Variants in ETNK2 observed in about 807,000 individuals in gnomAD.
The protein encoded by ETNK2 is ethanolamine kinase 2.
ETNK2 carries 33 observed loss-of-function variants against 46.2 expected under a neutral mutation model. That is an observed-to-expected ratio of 0.71 (90% CI 0.54 to 0.96). The LOEUF (loss-of-function observed/expected upper bound fraction) is 0.96, where lower values mean the gene tolerates loss of function less well. Ranked by LOEUF, ETNK2 falls within the 40% of genes least tolerant of loss-of-function variation. The pLI, the probability that ETNK2 is intolerant of heterozygous loss-of-function variation, is 0.00. For synonymous variants in ETNK2, 194 were observed against 209.0 expected (o/e 0.93, Z 0.62); for missense variants, 445 against 509.7 (o/e 0.87, Z 1.22).
chr1:204,132,303 T>G lies in ETNK2; in HGVS notation c.1089-47A>C, dbSNP rs778190954. The G allele has an allele frequency of 2.1e-6, 3 of 1,458,912 alleles. No homozygotes were observed. In the South Asian group the frequency reaches 3.6e-5, roughly 18 times the overall value. 90.4% of individuals were successfully genotyped at this position (1,458,912 alleles called of 1,614,324 possible). A position where few individuals can be genotyped will look rare whatever the true frequency, so the allele number is the denominator to read the frequency against. ...GCTGGGTGTGAGGAAGAAAGCCAGG[T>G]GGGCCCTGCTGGGGGTGCTGACATC... On this transcript the variant is annotated intron_variant, in intron 7 of 7. Transcript: ENST00000367202.
chr1:204,151,162 C>G lies in ETNK2; in HGVS notation c.258+433G>C, dbSNP rs998767587. On this transcript the variant is annotated intron_variant, in intron 1 of 7. Coordinates refer to ENST00000367202, the MANE Select transcript of ETNK2 (RefSeq NM_018208.4). This position sits in a 1 kb window ranked among gnomAD's most constrained non-coding sequence, Gnocchi z 8.0. ...GCTCAGAGCCTGGAGGATTTGCTCCCACCATGGGGTGGAGAAGGGGCAGCA... is the reference window on the plus strand; with the variant it reads ...GCTCAGAGCCTGGAGGATTTGCTCCGACCATGGGGTGGAGAAGGGGCAGCA... The G allele has an allele frequency of 6.7e-5, 16 of 237,552 alleles. No individual in the cohort carries two copies. The highest frequency in any genetic ancestry group is 8.1e-5 in the Non-Finnish European group (10 of 123,090). 14.7% of individuals were successfully genotyped at this position (237,552 alleles called of 1,614,324 possible).
chr1:204,148,323 A>C (rs994429816), intron 2 of ETNK2, among the ~76,000 whole-genome samples: 4 of 152,190 alleles, frequency 2.6e-5, no homozygotes, highest in Non-Finnish European at 5.9e-5. Flanking sequence ...TTTGCGTGAC[A>C]GGATGAGTGA....
Position 204,149,771 on chromosome 1 carries a change from C to A in ETNK2, c.450G>T (p.Gly150=). Residue 150 remains glycine, a synonymous_variant, in exon 2 of 8, where the codon GGG becomes GGT. Transcript: ENST00000367202. ...APKLYCTFQN[G]LCYEYMQGVA... ...CACCCTGCATGTACTCATAGCACAGCCCATTCTGGAAGGTGCAGTAGAGTT... is the reference window on the plus strand; with the variant it reads ...CACCCTGCATGTACTCATAGCACAGACCATTCTGGAAGGTGCAGTAGAGTT... 6.2e-7 allele frequency: 1 copy of A among 1,606,684 alleles called. No individual in the cohort carries two copies. Among genetic ancestry groups the A allele is most frequent in the Non-Finnish European group, 8.5e-7 (1 of 1,176,870 alleles).
intron 5 of ETNK2, among the ~76,000 whole-genome samples, chr1:204,139,661 A>T (rs564253514): frequency 6.6e-6 from 1 of 152,204 alleles, no homozygotes; most frequent in East Asian, 1.9e-4. Context: ...TTGGTCAAAT[A>T]TAGTCCTGTA....
intron 2 of ETNK2, chr1:204,147,609 T>G (rs777236628): frequency 7.7e-6 from 4 of 520,388 alleles, no homozygotes; most frequent in Non-Finnish European, 1.6e-5. Context: ...CCTTCCAACA[T>G]ACAGCCTCTG....
intron 3 of ETNK2, among the ~76,000 whole-genome samples, chr1:204,145,145 C>T (rs1214675613): frequency 1.3e-5 from 2 of 152,222 alleles, no homozygotes; most frequent in Non-Finnish European, 2.9e-5. Flanking sequence ...AGTCAGGCAG[C>T]TTAGGGCATG....
At chr1:204,134,404 G>C in intron 7 of ETNK2, 111 bp downstream of exon 7, 1 of 1,244,010 alleles carries the variant, frequency 8.0e-7, no homozygotes, top group Non-Finnish European at 1.1e-6. Flanking sequence ...CGAGTCAGCA[G>C]AGCAGGGGAG....
chr1:204,152,019 G>C lies in ETNK2; in HGVS notation c.-167C>G. On this transcript the variant is annotated 5_prime_UTR_variant, in exon 1 of 8. Coordinates refer to ENST00000367202, the MANE Select transcript of ETNK2 (RefSeq NM_018208.4). The surrounding 1 kb of genome is among the most constrained non-coding windows in gnomAD (Gnocchi z 4.2). ...CGGCCCGCCGCCCACCGCCGACCCCGGAGCGCCGCGGCCCGCCGCGATTGT... is the reference window on the plus strand; with the variant it reads ...CGGCCCGCCGCCCACCGCCGACCCCCGAGCGCCGCGGCCCGCCGCGATTGT... 1 of 655,916 alleles carries C rather than the reference G, an allele frequency of 1.5e-6. No homozygotes were observed. The highest frequency in any genetic ancestry group is 2.2e-6 in the Non-Finnish European group (1 of 463,662). The allele number at this position is 655,916 out of a possible 1,614,324, so 40.6% of individuals were successfully genotyped here.
At chr1:204,143,461 C>T (rs940239064) in intron 3 of ETNK2, among the ~76,000 whole-genome samples, 1 of 152,090 alleles carries the variant, frequency 6.6e-6, no homozygotes, top group Non-Finnish European at 1.5e-5. Flanking sequence ...TGCTTCCCTC[C>T]CCTGAGCACT....
In ETNK2 at chr1:204,140,138, C is replaced by T. The variant is rs1453383915; in HGVS notation, c.785-20G>A. On this transcript the variant is annotated intron_variant, in intron 4 of 7. Coordinates refer to ENST00000367202, the MANE Select transcript of ETNK2 (RefSeq NM_018208.4). ...CGTGACCTATGAAGTAGAGGAGAAT[C>T]GATGAGAGTTGGCCCAGGAGATCTG... The T allele has an allele frequency of 2.5e-6, 4 of 1,605,030 alleles. No homozygotes were observed. Among genetic ancestry groups the T allele is most frequent in the African/African-American group, 1.3e-5 (1 of 74,716 alleles).
intron 5 of ETNK2, among the ~76,000 whole-genome samples, chr1:204,138,224 A>C (rs1295400010): frequency 6.6e-6 from 1 of 152,022 alleles, no homozygotes; most frequent in Non-Finnish European, 1.5e-5. Flanking sequence ...TCATCTCCCA[A>C]TGCCCAGAAC....
In ETNK2 at chr1:204,151,385, G is replaced by A. The variant is rs541518114; in HGVS notation, c.258+210C>T. 1.2e-4 allele frequency: 81 copies of A among 691,774 alleles called. 1 individual carries two copies. The South Asian group carries it at 1.4e-3, about 12-fold the overall frequency. The allele number at this position is 691,774 out of a possible 1,614,324, so 42.9% of individuals were successfully genotyped here. A position where few individuals can be genotyped will look rare whatever the true frequency, so the allele number is the denominator to read the frequency against. On this transcript the variant is annotated intron_variant, in intron 1 of 7. Coordinates refer to ENST00000367202, the MANE Select transcript of ETNK2 (RefSeq NM_018208.4). The surrounding 1 kb of genome is among the most constrained non-coding windows in gnomAD (Gnocchi z 8.0). ...CAGGCGTGCCTAAGAGCCCCGGGAG[G>A]AGGGGGGCGTGTGCAGGGCCAAGGG...
In ETNK2 at chr1:204,132,224, T is replaced by G; in HGVS notation, c.1121A>C (p.Lys374Thr). 1 of 1,573,246 alleles carries G rather than the reference T, an allele frequency of 6.4e-7. No individual in the cohort carries two copies. The highest frequency in any genetic ancestry group is 8.6e-7 in the Non-Finnish European group (1 of 1,158,978). The part of the protein sequence containing the change: ...YAVIRFNQYF[K>T]VKPQASALEM... ...CAAGGCTGACGCTTGAGGCTTCACC[T>G]TGAAGTACTGGTTGAATCGGATCAC... is the stretch of plus-strand genomic sequence containing the variant. The change falls in exon 8 of 8, where the codon AAG (lysine) becomes ACG (threonine). Residue 374 changes from lysine (K) to threonine (T), a missense_variant. Lys to Thr is a moderately conservative substitution (Grantham distance 78). Transcript: ENST00000367202.
rs1238043394 is a variant in ETNK2 at position 204,151,905 on chromosome 1, G to A, written c.-53C>T. On this transcript the variant is annotated 5_prime_UTR_variant, in exon 1 of 8. Coordinates refer to ENST00000367202, the MANE Select transcript of ETNK2 (RefSeq NM_018208.4). The surrounding 1 kb of genome is among the most constrained non-coding windows in gnomAD (Gnocchi z 8.0). ...GCGGCAGACGCTAGCCCCGGCGGGG[G>A]GGTCCGGCGAGGGAGTGGGAGTGGT... is the stretch of plus-strand genomic sequence containing the variant. 1 of 1,405,376 alleles carries A rather than the reference G, an allele frequency of 7.1e-7. No homozygotes were observed. Among genetic ancestry groups the A allele is most frequent in the Non-Finnish European group, 9.2e-7 (1 of 1,086,878 alleles). The allele number at this position is 1,405,376 out of a possible 1,614,324, so 87.1% of individuals were successfully genotyped here.
intron 2 of ETNK2, among the ~76,000 whole-genome samples, chr1:204,147,829 G>A (rs987169169): frequency 1.3e-5 from 2 of 152,310 alleles, no homozygotes; most frequent in Non-Finnish European, 1.5e-5. Context: ...GACAAGGGGC[G>A]TGGCAGCAAC....
intron 6 of ETNK2, 48 bp from the exon 7 acceptor site, chr1:204,134,636 T>C: frequency 6.2e-7 from 1 of 1,613,996 alleles, no homozygotes; most frequent in Admixed American, 1.7e-5. Flanking sequence ...CCCATGCCTG[T>C]TTCCGACTCT....
In ETNK2 at chr1:204,134,569, G is replaced by A; in HGVS notation, c.1034C>T (p.Ala345Val). Residue 345 changes from alanine to valine, a missense_variant, in exon 7 of 8, where the codon GCT becomes GTT. Transcript: ENST00000367202. ...CTGGTTCTGGATGAGGGCCCAGAGA[G>A]CCCAGAAGAAGTGAGACGCCTGGAA... Reference protein sequence around the residue: ...KFALASHFFWALWALIQNQYS... With the variant: ...KFALASHFFWVLWALIQNQYS... 2 of 1,614,034 alleles carry A rather than the reference G, an allele frequency of 1.2e-6. No individual in the cohort carries two copies. Among genetic ancestry groups the A allele is most frequent in the Non-Finnish European group, 1.7e-6 (2 of 1,179,902 alleles).
intron 5 of ETNK2, among the ~76,000 whole-genome samples, chr1:204,138,117 A>G (rs1657358685): frequency 6.6e-6 from 1 of 152,168 alleles, no homozygotes; most frequent in African/African-American, 2.4e-5. Flanking sequence ...GCTAGAAAAG[A>G]ATCTCCTGGA....
At chr1:204,136,255 G>A (rs970891691) in intron 6 of ETNK2, among the ~76,000 whole-genome samples, 3 of 151,730 alleles carry the variant, frequency 2.0e-5, no homozygotes, top group Admixed American at 6.6e-5. Context: ...GAAATTAGCC[G>A]GGCATGGTGG....
Sources: gnomAD v4.1 joint callset for allele counts (sites outside exome capture counted in the v4.1 genomes callset) on GRCh38, gnomAD v4.1.1 for gene constraint, Gnocchi (gnomAD v3.1) non-coding constraint, MANE v1.5 for transcripts, NCBI Gene and HGNC (gene_info 2026-07-23, HGNC 2026-07-21) for gene names.